LUZP2: variants seen among roughly 807,000 people sequenced by gnomAD.
The protein encoded by LUZP2 is leucine zipper protein 2.
LUZP2 carries 52 observed loss-of-function variants against 51.6 expected under a neutral mutation model. The observed-to-expected ratio is 1.01, with a 90% CI of 0.81 to 1.27. LUZP2 has a LOEUF of 1.27. LUZP2 is among the 50% of genes most tolerant of loss of function. The pLI is 0.00. For missense variants in LUZP2, 436 were observed against 395.4 expected (o/e 1.10, Z -0.87); for synonymous variants, 154 against 137.3 (o/e 1.12, Z -0.85).
At chr11:24,901,777 T>C (rs1853289330) in intron 5 of LUZP2, among the ~76,000 whole-genome samples, 1 of 152,126 alleles carries the variant, frequency 6.6e-6, no homozygotes, top group Non-Finnish European at 1.5e-5. Context: ...TAGTTTTCTA[T>C]CCATTGACCT....
chr11:24,820,227 C>CTATG (rs1564937809), intron 5 of LUZP2, among the ~76,000 whole-genome samples: 1 of 152,102 alleles, frequency 6.6e-6, no homozygotes, highest in East Asian at 1.9e-4. Flanking sequence ...AGGGAGGTGG[C>CTATG]ACTGGTGCCA....
intron 1 of LUZP2, among the ~76,000 whole-genome samples, chr11:24,703,019 G>A (rs1241682978): frequency 6.6e-6 from 1 of 152,160 alleles, no homozygotes; most frequent in Non-Finnish European, 1.5e-5. Flanking sequence ...TGGGCAAGGA[G>A]GCAAGTTAAG....
At chr11:24,636,159 A>G (rs982633592) in intron 1 of LUZP2, among the ~76,000 whole-genome samples, 7 of 152,176 alleles carry the variant, frequency 4.6e-5, no homozygotes, top group Non-Finnish European at 5.9e-5. Flanking sequence ...ACTGTAAGAG[A>G]ACACTGATCA....
intron 1 of LUZP2, among the ~76,000 whole-genome samples, chr11:24,718,932 A>C (rs1229290381): frequency 1.3e-5 from 2 of 152,204 alleles, no homozygotes; most frequent in East Asian, 3.9e-4. Context: ...TATTCACAGG[A>C]ATTGAAATAG....
intron 9 of LUZP2, among the ~76,000 whole-genome samples, chr11:25,024,856 G>A (rs1857440211): frequency 6.9e-6 from 1 of 145,964 alleles, no homozygotes; most frequent in South Asian, 2.2e-4. Flanking sequence ...TAAGCCATAA[G>A]AACAAAGCTG....
At chr11:24,731,916 C>A (rs1445775533) in intron 2 of LUZP2, among the ~76,000 whole-genome samples, 2 of 151,734 alleles carry the variant, frequency 1.3e-5, no homozygotes, top group Non-Finnish European at 3.0e-5. Flanking sequence ...GCCAAGACTG[C>A]TCAATTCCTT....
intron 1 of LUZP2, among the ~76,000 whole-genome samples, chr11:24,566,917 ATGTATAT>A (rs1259314704): frequency 8.8e-4 from 11 of 12,478 alleles, no homozygotes; most frequent in African/African-American, 2.6e-3. Flanking sequence ...ATATATATAT[ATGTATAT>A]ATGTATATAT....
At chr11:24,602,385 TATACACACAC>T (rs1403832497) in intron 1 of LUZP2, among the ~76,000 whole-genome samples, 2 of 86,644 alleles carry the variant, frequency 2.3e-5, no homozygotes, top group East Asian at 9.8e-4. Flanking sequence ...TATATATATA[TATACACACAC>T]ACACACACAC....
intron 4 of LUZP2, among the ~76,000 whole-genome samples, chr11:24,758,366 T>A (rs2134022777): frequency 6.6e-6 from 1 of 151,986 alleles, no homozygotes; most frequent in Admixed American, 6.6e-5. Context: ...CTTGTGTGTA[T>A]ATCATGAATA....
At chr11:24,702,229 G>A (rs1199981229) in intron 1 of LUZP2, among the ~76,000 whole-genome samples, 3 of 152,254 alleles carry the variant, frequency 2.0e-5, no homozygotes, top group Middle Eastern at 6.8e-3. Context: ...TTTTAACCAG[G>A]AAAATCACTG....
At chr11:24,719,673 C>G (rs781474335) in intron 1 of LUZP2, among the ~76,000 whole-genome samples, 2 of 152,206 alleles carry the variant, frequency 1.3e-5, no homozygotes, top group Non-Finnish European at 2.9e-5. Context: ...CTTTTCCCAT[C>G]AAGAAGTGAA....
intron 1 of LUZP2, among the ~76,000 whole-genome samples, chr11:24,675,288 G>A (rs1285207085): frequency 6.6e-6 from 1 of 152,136 alleles, no homozygotes; most frequent in Non-Finnish European, 1.5e-5. Flanking sequence ...TCTGAACTTT[G>A]CAGTAGGATG....
chr11:24,602,126 G>GTATATATGTATATA (rs533429284), intron 1 of LUZP2, among the ~76,000 whole-genome samples: 29 of 105,158 alleles, frequency 2.8e-4, no homozygotes, highest in African/African-American at 6.5e-4. Flanking sequence ...ATGTATATAT[G>GTATATATGTATATA]TATATGTGTA....
At chr11:24,738,076 C>T (rs1859008247) in intron 3 of LUZP2, 145 bp from the exon 4 acceptor site, 1 of 499,904 alleles carries the variant, frequency 2.0e-6, no homozygotes, top group Admixed American at 3.7e-5. Context: ...TTAGACACAT[C>T]CTGTATGCTT....
chr11:24,658,282 C>G (rs1255454064), intron 1 of LUZP2, among the ~76,000 whole-genome samples: 1 of 152,178 alleles, frequency 6.6e-6, no homozygotes, highest in African/African-American at 2.4e-5. Context: ...CTATCTACAA[C>G]TATCTGATCT....
At chr11:24,666,361 C>T (rs999850289) in intron 1 of LUZP2, among the ~76,000 whole-genome samples, 1 of 151,982 alleles carries the variant, frequency 6.6e-6, no homozygotes, top group African/African-American at 2.4e-5. Context: ...AGCTTTTAGT[C>T]ATTGATTTTA....
At chr11:24,831,511 T>C (rs1564956979) in intron 5 of LUZP2, among the ~76,000 whole-genome samples, 1 of 152,134 alleles carries the variant, frequency 6.6e-6, no homozygotes, top group Non-Finnish European at 1.5e-5. Flanking sequence ...AAATAATCTT[T>C]AAAAAAGAAA....
At chr11:24,538,979 A>G (rs1851272944) in intron 1 of LUZP2, among the ~76,000 whole-genome samples, 1 of 151,920 alleles carries the variant, frequency 6.6e-6, no homozygotes, top group African/African-American at 2.4e-5. Flanking sequence ...ATGAATGTAT[A>G]CAGTAGACAT....
intron 9 of LUZP2, among the ~76,000 whole-genome samples, chr11:24,989,636 A>T (rs1436141402): frequency 6.6e-6 from 1 of 152,038 alleles, no homozygotes; most frequent in Non-Finnish European, 1.5e-5. Flanking sequence ...TTTCTTTCCT[A>T]TATCTTTCAG....
Sources: allele counts gnomAD v4.1 joint callset (sites outside exome capture counted in the v4.1 genomes callset), GRCh38; gene constraint gnomAD v4.1.1; transcripts MANE v1.5; gene names NCBI Gene and HGNC (gene_info 2026-07-23, HGNC 2026-07-21).